SPATA6: variants seen among roughly 807,000 people sequenced by gnomAD.
The protein encoded by SPATA6 is spermatogenesis-associated protein 6.
A neutral mutation model predicts 65.3 loss-of-function variants in SPATA6; 56 were observed. The ratio of observed to expected loss-of-function variants is 0.86; its 90% CI spans 0.69 to 1.07. The LOEUF is 1.07. Ranked by LOEUF, SPATA6 falls within the 50% of genes least tolerant of loss-of-function variation. The pLI is 0.00. For missense variants in SPATA6, 590 were observed against 594.8 expected, an observed-to-expected ratio of 0.99 and a Z score of 0.08; for synonymous variants, 199 against 213.2, an observed-to-expected ratio of 0.93 and a Z score of 0.58.
chr1:48,414,351 C>T (rs572832729), intron 3 of SPATA6, among the ~76,000 whole-genome samples: 5 of 152,242 alleles, frequency 3.3e-5, no homozygotes, highest in Middle Eastern at 6.8e-3. Context: ...AAAACCTGAC[C>T]TCAGGAGAAA....
Position 48,411,494 on chromosome 1 carries a change from C to T in SPATA6, c.375G>A (p.Gln125=), listed in dbSNP as rs750403437. ...GGCCAGAAATCCTCCTCATGGTAAC[C>T]TGGCGGTTTGAATCATGGTGTCCAG... The part of the protein sequence containing the change: ...QMSGHHDSNR[Q]VTMRRISGLR... The change falls in exon 5 of 13, where the codon CAG becomes CAA. Residue 125 remains glutamine (Q), a synonymous_variant. Transcript: ENST00000371847. 2 of 1,609,606 alleles carry T rather than the reference C, an allele frequency of 1.2e-6. No homozygotes were observed. Among genetic ancestry groups the T allele is most frequent in the African/African-American group, 1.3e-5 (1 of 74,786 alleles).
intron 9 of SPATA6, among the ~76,000 whole-genome samples, chr1:48,362,095 A>G (rs930134650): frequency 6.6e-6 from 1 of 152,132 alleles, no homozygotes; most frequent in African/African-American, 2.4e-5. Flanking sequence ...ATGTAAGTGC[A>G]TATGTTCAGA....
chr1:48,425,448 T>C (rs1345298812), intron 3 of SPATA6, among the ~76,000 whole-genome samples: 1 of 152,176 alleles, frequency 6.6e-6, no homozygotes, highest in Non-Finnish European at 1.5e-5. Context: ...GTCATTGAAG[T>C]GTATTCATAA....
intron 1 of SPATA6, among the ~76,000 whole-genome samples, chr1:48,470,448 T>C (rs1658152349): frequency 6.6e-6 from 1 of 152,144 alleles, no homozygotes; most frequent in Non-Finnish European, 1.5e-5. Context: ...TAATTTTACT[T>C]TACAAAAAGT....
At chr1:48,461,844 G>T (rs1339930685) in intron 1 of SPATA6, among the ~76,000 whole-genome samples, 1 of 152,142 alleles carries the variant, frequency 6.6e-6, no homozygotes, top group Non-Finnish European at 1.5e-5. Context: ...CCATTACTGG[G>T]TATATACCCA....
chr1:48,347,432 C>CATTATATATACAT (rs1646395700), intron 11 of SPATA6, among the ~76,000 whole-genome samples: 1 of 146,182 alleles, frequency 6.8e-6, no homozygotes, highest in African/African-American at 2.5e-5. Flanking sequence ...TATATATACA[C>CATTATATATACAT]ATATAATATA....
At chr1:48,352,323 G>C (rs1364237804) in intron 11 of SPATA6, among the ~76,000 whole-genome samples, 1 of 152,062 alleles carries the variant, frequency 6.6e-6, no homozygotes, top group Non-Finnish European at 1.5e-5. Flanking sequence ...TGAGACTTGA[G>C]TGGGCACACA....
At chr1:48,292,625 T>G (rs535083385), downstream of SPATA6, among the ~76,000 whole-genome samples, 41 of 152,312 alleles carry the variant, frequency 2.7e-4, no homozygotes, top group African/African-American at 9.9e-4. Flanking sequence ...TGTGCAGCAG[T>G]GCAAACCACC....
At chr1:48,307,275 G>A (rs146526708) in intron 11 of SPATA6, among the ~76,000 whole-genome samples, 1 of 150,786 alleles carries the variant, frequency 6.6e-6, no homozygotes, top group African/African-American at 2.4e-5. Flanking sequence ...ATTCAGACCT[G>A]AGAAACAAAA....
chr1:48,453,259 AAGAG>A lies in SPATA6; in HGVS notation c.52-132_52-129del, dbSNP rs940732666. 1.3e-5 allele frequency: 14 copies of A among 1,046,188 alleles called. No individual in the cohort carries two copies. In the Admixed American group the frequency reaches 2.8e-4, roughly 21 times the overall value. 64.8% of individuals were successfully genotyped at this position (1,046,188 alleles called of 1,614,324 possible). On this transcript the variant is annotated intron_variant, in intron 1 of 12. Coordinates refer to ENST00000371847, the MANE Select transcript of SPATA6 (RefSeq NM_019073.4). The stretch of plus-strand genomic sequence containing the variant: ...ATCTAATAAAAAATACTCACAAATA[AAGAG>A]AGAGAGACAGAGACTAGTGTTTACA...
chr1:48,456,078 C>T (rs1656977293), intron 1 of SPATA6, among the ~76,000 whole-genome samples: 1 of 152,136 alleles, frequency 6.6e-6, no homozygotes. Flanking sequence ...CTGAGAAAGC[C>T]ATAACCCTTC....
chr1:48,397,230 A>G (rs529814944), intron 7 of SPATA6, among the ~76,000 whole-genome samples: 180 of 151,838 alleles, frequency 1.2e-3, no homozygotes, highest in African/African-American at 4.3e-3. Flanking sequence ...TGAATACTTA[A>G]TAAGTACAGA....
At chr1:48,413,254 G>C in intron 3 of SPATA6, 103 bp from the exon 4 acceptor site, 1 of 397,784 alleles carries the variant, frequency 2.5e-6, no homozygotes, top group South Asian at 3.7e-5. Flanking sequence ...TCACTAGGTA[G>C]ACTACATATA....
At chr1:48,452,534 C>T (rs1656667027) in intron 2 of SPATA6, among the ~76,000 whole-genome samples, 1 of 152,074 alleles carries the variant, frequency 6.6e-6, no homozygotes, top group African/African-American at 2.4e-5. Flanking sequence ...TAGGCAGGTG[C>T]CACCACAGCT....
At chr1:48,285,203 C>A in the SPATA6 span, among the ~76,000 whole-genome samples, 1 of 152,142 alleles carries the variant, frequency 6.6e-6, no homozygotes, top group African/African-American at 2.4e-5. Flanking sequence ...CCAGTTCAAA[C>A]TTCCCGGCAG....
chr1:48,393,393 C>T (rs1650262406), intron 8 of SPATA6: 2 of 152,026 alleles, frequency 1.3e-5, no homozygotes, highest in South Asian at 2.1e-4. Context: ...GGCTTATGCA[C>T]TTCAAAATTA....
Position 48,399,405 on chromosome 1 carries a change from C to T in SPATA6, c.726G>A (p.Leu242=). The part of the protein sequence containing the change: ...DTRRRLAHLN[L]GPYEFKKETD... Reference sequence around the variant, plus strand: ...TTTCTTTTTTGAACTCATAGGGTCCCAGATTTAAATGGGCCAGCCGCCGCC... The same window carrying T: ...TTTCTTTTTTGAACTCATAGGGTCCTAGATTTAAATGGGCCAGCCGCCGCC... The change falls in exon 7 of 13, where the codon CTG becomes CTA. Residue 242 remains leucine, a synonymous_variant. Coordinates refer to ENST00000371847, the MANE Select transcript of SPATA6 (RefSeq NM_019073.4). 1 of 1,613,112 alleles carries T rather than the reference C, an allele frequency of 6.2e-7. No individual in the cohort carries two copies. The highest frequency in any genetic ancestry group is 1.1e-5 in the South Asian group (1 of 91,042).
At chr1:48,294,147 G>A (rs947636270), downstream of SPATA6, among the ~76,000 whole-genome samples, 3 of 152,068 alleles carry the variant, frequency 2.0e-5, no homozygotes, top group African/African-American at 7.2e-5. Context: ...CACAGTCTTG[G>A]CTCACTGCAG....
chr1:48,375,295 A>G (rs1286430474), intron 9 of SPATA6, among the ~76,000 whole-genome samples: 2 of 152,132 alleles, frequency 1.3e-5, no homozygotes, highest in Non-Finnish European at 2.9e-5. Flanking sequence ...AATCTGTCTC[A>G]TTACTAACAA....
Sources: gnomAD v4.1 joint callset for allele counts (sites outside exome capture counted in the v4.1 genomes callset) on GRCh38, gnomAD v4.1.1 for gene constraint, MANE v1.5 for transcripts, NCBI Gene and HGNC (gene_info 2026-07-23, HGNC 2026-07-21) for gene names.